Variants in SLAMF1 observed in about 807,000 individuals in gnomAD.
The protein encoded by SLAMF1 is signaling lymphocytic activation molecule.
In SLAMF1, 18 loss-of-function variants were observed where a neutral mutation model predicts 35.1. The observed-to-expected ratio is 0.51, with a 90% CI of 0.35 to 0.76. The LOEUF is 0.76. Ranked by LOEUF, SLAMF1 falls within the 30% of genes least tolerant of loss-of-function variation. SLAMF1 has a pLI of 0.01. For synonymous variants in SLAMF1, 168 were observed against 157.2 expected, an observed-to-expected ratio of 1.07 and a Z score of -0.51; for missense variants, 392 against 413.0, an observed-to-expected ratio of 0.95 and a Z score of 0.44.
chr1:160,612,353 G>C (rs561781551), intron 6 of SLAMF1, 135 bp downstream of exon 6: 11 of 581,868 alleles, frequency 1.9e-5, no homozygotes, highest in African/African-American at 1.3e-4. Flanking sequence ...TTGTCACCTA[G>C]GTATGAAGCC....
chr1:160,635,771 G>C (rs548208354), intron 2 of SLAMF1, among the ~76,000 whole-genome samples: 3 of 151,264 alleles, frequency 2.0e-5, no homozygotes, highest in African/African-American at 7.3e-5. Flanking sequence ...AGTAGAGATG[G>C]GGTTTCACCA....
In SLAMF1 at chr1:160,608,404, T is replaced by G. The variant is rs993668294; in HGVS notation, c.*2344A>C. On this transcript the variant is annotated 3_prime_UTR_variant, in exon 7 of 7. Transcript: ENST00000302035. Reference sequence around the variant, plus strand: ...GAGGGGAAACACGGGGAAAACTTATTGTTTTAAGTCTGAGGAAAAGGCAAG... The same window carrying G: ...GAGGGGAAACACGGGGAAAACTTATGGTTTTAAGTCTGAGGAAAAGGCAAG... The G allele has an allele frequency of 1.3e-5, 2 of 152,168 alleles. No homozygotes were observed. Among genetic ancestry groups the G allele is most frequent in the African/African-American group, 4.8e-5 (2 of 41,444 alleles). The allele number at this position is 152,168 out of a possible 1,614,324, so 9.4% of individuals were successfully genotyped here.
chr1:160,635,231 C>G (rs574514941), intron 2 of SLAMF1, among the ~76,000 whole-genome samples: 3 of 152,310 alleles, frequency 2.0e-5, no homozygotes, highest in Non-Finnish European at 4.4e-5. Context: ...ACTAATCCAC[C>G]ATGGTTTTTA....
intron 1 of SLAMF1, among the ~76,000 whole-genome samples, chr1:160,641,073 T>C (rs966721169): frequency 2.0e-5 from 3 of 152,132 alleles, no homozygotes; most frequent in African/African-American, 7.2e-5. Context: ...CCTAAACTTC[T>C]GTGTATAAAG....
intron 1 of SLAMF1, among the ~76,000 whole-genome samples, chr1:160,641,598 C>A (rs1258795431): frequency 6.6e-6 from 1 of 152,154 alleles, no homozygotes; most frequent in Non-Finnish European, 1.5e-5. Flanking sequence ...ACCAAAACTT[C>A]ATCAGGAAGA....
In SLAMF1 at chr1:160,608,126, T is replaced by TC. The variant is rs1658794246; in HGVS notation, c.*2621_*2622insG. On this transcript the variant is annotated 3_prime_UTR_variant, in exon 7 of 7. Transcript: ENST00000302035. ...TGCAATTTCCTTGATGGACTGGCTG[T>TC]AATTTATTCATTTCCAAAAAGTAGA... The TC allele has an allele frequency of 6.6e-6, 1 of 152,250 alleles. No individual in the cohort carries two copies. The highest frequency in any genetic ancestry group is 1.5e-5 in the Non-Finnish European group (1 of 68,050). The allele number at this position is 152,250 out of a possible 1,614,324, so 9.4% of individuals were successfully genotyped here.
Position 160,619,812 on chromosome 1 carries a change from T to G in SLAMF1, c.828A>C (p.Lys276Asn). 1.9e-6 allele frequency: 3 copies of G among 1,612,850 alleles called. No individual in the cohort carries two copies. Among genetic ancestry groups the G allele is most frequent in the Non-Finnish European group, 2.5e-6 (3 of 1,178,906 alleles). ...GGACTTGGGCATAGATCGTAAGGCTTTTTTTTTCCACTGTTGTCTGGTAAT... is the reference window on the plus strand; with the variant it reads ...GGACTTGGGCATAGATCGTAAGGCTGTTTTTTTCCACTGTTGTCTGGTAAT... ...TNHYQTTVEKKSLTIYAQVQK... is the reference protein window; with the variant it reads ...TNHYQTTVEKNSLTIYAQVQK... The change falls in exon 5 of 7, where the codon AAA becomes AAC. Residue 276 changes from lysine (K) to asparagine (N), a missense_variant. Coordinates refer to ENST00000302035, the MANE Select transcript of SLAMF1 (RefSeq NM_003037.5).
At position 160,608,931 on chromosome 1, in the gene SLAMF1, C is replaced by A. The variant is rs1403308489; in HGVS notation, c.*1817G>T. 1 of 152,092 alleles carries A rather than the reference C, an allele frequency of 6.6e-6. No homozygotes were observed. The highest frequency in any genetic ancestry group is 1.5e-5 in the Non-Finnish European group (1 of 68,024). The allele number at this position is 152,092 out of a possible 1,614,324, so 9.4% of individuals were successfully genotyped here. On this transcript the variant is annotated 3_prime_UTR_variant, in exon 7 of 7. Transcript: ENST00000302035. ...TCATAAGAAGTGAAAGTGGAAAATG[C>A]CAGATATTCAATTCCCAGCCCCCCT...
At chr1:160,618,468 G>T (rs191644505) in intron 5 of SLAMF1, among the ~76,000 whole-genome samples, 1 of 152,056 alleles carries the variant, frequency 6.6e-6, no homozygotes, top group Non-Finnish European at 1.5e-5. Flanking sequence ...GCAGCTGGAA[G>T]TAGCAGAGGA....
intron 2 of SLAMF1, 44 bp downstream of exon 2, chr1:160,637,147 C>T (rs1234802821): frequency 2.9e-6 from 4 of 1,364,468 alleles, no homozygotes; most frequent in African/African-American, 1.4e-5. Flanking sequence ...GTCAAAGGAG[C>T]ACCTTGGCCC....
intron 3 of SLAMF1, among the ~76,000 whole-genome samples, chr1:160,626,218 A>T (rs1381466304): frequency 3.3e-5 from 5 of 152,246 alleles, no homozygotes; most frequent in Non-Finnish European, 7.3e-5. Context: ...CTGGAAAATA[A>T]AAGACAAAAC....
At chr1:160,625,843 GTGTGTGTGTGTA>G (rs1481929620) in intron 3 of SLAMF1, among the ~76,000 whole-genome samples, 19 of 138,110 alleles carry the variant, frequency 1.4e-4, no homozygotes, top group Non-Finnish European at 2.8e-4. Context: ...GTGTGTGTGT[GTGTGTGTGTGTA>G]TGTGTGTATG....
intron 5 of SLAMF1, among the ~76,000 whole-genome samples, chr1:160,614,993 G>T (rs1335851379): frequency 6.6e-6 from 1 of 152,036 alleles, no homozygotes; most frequent in Non-Finnish European, 1.5e-5. Context: ...CAAGATACTA[G>T]CTCTGATAAG....
intron 2 of SLAMF1, among the ~76,000 whole-genome samples, chr1:160,636,318 T>C (rs1046192859): frequency 5.9e-5 from 9 of 152,148 alleles, no homozygotes. Flanking sequence ...GAGGGAGGAT[T>C]GGTGAGAGTA....
chr1:160,641,386 C>T (rs997162479), intron 1 of SLAMF1, among the ~76,000 whole-genome samples: 15 of 151,970 alleles, frequency 9.9e-5, no homozygotes, highest in Middle Eastern at 3.4e-3. Flanking sequence ...ACACTCTTTG[C>T]GCCATGGTTG....
chr1:160,634,774 G>T lies in SLAMF1; in HGVS notation c.539C>A (p.Ala180Glu). ...GGCTGGGTTCAGTGGGTGGGTGCCC[G>T]CCTTTTCACTCCAGCTGTAAGCCAC... The part of the protein sequence containing the change: ...DHVAYSWSEK[A>E]GTHPLNPANS... The change falls in exon 3 of 7, where the codon GCG becomes GAG. Residue 180 changes from alanine to glutamate, a missense_variant. Coordinates refer to ENST00000302035, the MANE Select transcript of SLAMF1 (RefSeq NM_003037.5). 1 of 1,614,070 alleles carries T rather than the reference G, an allele frequency of 6.2e-7. No individual in the cohort carries two copies. The highest frequency in any genetic ancestry group is 8.5e-7 in the Non-Finnish European group (1 of 1,180,002).
At chr1:160,610,938 G>T in intron 6 of SLAMF1, 140 bp from the exon 7 acceptor site, 1 of 679,102 alleles carries the variant, frequency 1.5e-6, no homozygotes, top group Non-Finnish European at 2.6e-6. Context: ...ACAGGGCCTT[G>T]CTGGGACAGC....
intron 1 of SLAMF1, among the ~76,000 whole-genome samples, chr1:160,639,813 C>T (rs1660647174): frequency 6.6e-6 from 1 of 152,182 alleles, no homozygotes; most frequent in African/African-American, 2.4e-5. Context: ...CCTGCATGCC[C>T]AGTCCGTGGC....
rs145666807 is a variant in SLAMF1, at chr1:160,646,899, G to A, written c.47C>T (p.Ser16Phe). 2,779 of 1,608,574 alleles carry A rather than the reference G, an allele frequency of 1.7e-3. 32 individuals are homozygous for A. The African/African-American group carries it at 0.029, about 17-fold the overall frequency. Residue 16 changes from serine to phenylalanine, a missense_variant, in exon 1 of 7, where the codon TCC (serine) becomes TTC (phenylalanine). Coordinates refer to ENST00000302035, the MANE Select transcript of SLAMF1 (RefSeq NM_003037.5). ...TCCGTAGCTTGCCCCAAAAGCCAGGGAGAGAAACAGCACGAAGGTCAAGGA... is the reference window on the plus strand; with the variant it reads ...TCCGTAGCTTGCCCCAAAAGCCAGGAAGAGAAACAGCACGAAGGTCAAGGA... The part of the protein sequence containing the change: ...LLSLTFVLFL[S>F]LAFGASYGTG...
Sources: allele counts gnomAD v4.1 joint callset (sites outside exome capture counted in the v4.1 genomes callset), GRCh38; gene constraint gnomAD v4.1.1; transcripts MANE v1.5; gene names NCBI Gene and HGNC (gene_info 2026-07-23, HGNC 2026-07-21).